Variants in PIK3R2 observed in about 807,000 individuals in gnomAD.
PIK3R2 encodes the protein phosphatidylinositol 3-kinase regulatory subunit beta.
In PIK3R2, 40 loss-of-function variants were observed where a neutral mutation model predicts 78.5. The ratio of observed to expected loss-of-function variants is 0.51; its 90% CI spans 0.40 to 0.66. The LOEUF (loss-of-function observed/expected upper bound fraction) is 0.66, where lower values mean the gene tolerates loss of function less well. Among genes scored for constraint, PIK3R2 ranks in the 30% least tolerant of loss-of-function variants. PIK3R2 has a pLI of 0.00. For synonymous variants in PIK3R2, 473 were observed against 457.7 expected (o/e 1.03, Z -0.43); for missense variants, 880 against 1,026.6 (o/e 0.86, Z 1.95).
chr19:18,166,951 A>G (rs1229363799), intron 12 of PIK3R2, among the ~76,000 whole-genome samples, 179 bp from the exon 13 acceptor site: 3 of 151,828 alleles, frequency 2.0e-5, no homozygotes, highest in East Asian at 1.9e-4. Context: ...CCTGGGCAAC[A>G]TGGCAAAATC....
rs2147960173 is a variant in PIK3R2, at chr19:18,168,970, C to G, written c.1979+74C>G. The G allele has an allele frequency of 6.4e-7, 1 of 1,563,190 alleles. No individual in the cohort carries two copies. ...CATTGAATGCCTGCCGCGTGCCAGG[C>G]CTTGGGAAGGAGTCCCTGGTGGGGT... On this transcript the variant is annotated intron_variant, in intron 15 of 15. Transcript: ENST00000222254. This position sits in a 1 kb window ranked among gnomAD's most constrained non-coding sequence, Gnocchi z 4.1.
rs1415104027 is a variant in PIK3R2 at position 18,165,674 on chromosome 19, C to T, written c.1417-486C>T. 2.6e-5 allele frequency among the ~76,000 whole-genome samples: 4 copies of T among 152,168 alleles called. No homozygotes were observed. In the South Asian group the frequency reaches 8.3e-4, roughly 31 times the overall value. ...TCGCCACCACCCCTGGCCTCTGTCC[C>T]CTTTTTACTGATGTGTTAGCTGAGG... is the stretch of plus-strand genomic sequence containing the variant. On this transcript the variant is annotated intron_variant, in intron 11 of 15. Coordinates refer to ENST00000222254, the MANE Select transcript of PIK3R2 (RefSeq NM_005027.4).
rs1420138732 is a variant in PIK3R2 at position 18,156,051 on chromosome 19, C to T, written c.172C>T (p.Pro58Ser). The part of the protein sequence containing the change: ...ERCPQSVGWM[P>S]GLNERTRQRG... ...CTGCCCACAGAGCGTGGGCTGGATG[C>T]CCGGCCTCAACGAGCGCACACGGCA... Residue 58 changes from proline (P) to serine (S), a missense_variant, in exon 2 of 16, where the codon CCC (proline) becomes TCC (serine). By Grantham distance (74) the Pro-to-Ser change is moderately conservative. This residue lies in a region of PIK3R2 where 456 missense variants were observed against 486.6 expected (regional missense o/e 0.94). Coordinates refer to ENST00000222254, the MANE Select transcript of PIK3R2 (RefSeq NM_005027.4). The surrounding 1 kb of genome is among the most constrained non-coding windows in gnomAD (Gnocchi z 4.2). 1 of 1,562,164 alleles carries T rather than the reference C, an allele frequency of 6.4e-7. No homozygotes were observed. The highest frequency in any genetic ancestry group is 8.7e-7 in the Non-Finnish European group (1 of 1,153,852).
rs370853734 is a variant in PIK3R2 at position 18,156,119 on chromosome 19, C to T, written c.240C>T (p.Pro80=). ...FPGTYVEFLG[P]VALARPGPRP... is the part of the protein sequence containing the mutation. ...GCACCTATGTGGAGTTCCTGGGGCC[C>T]GTGGCCCTGGCCCGGCCCGGCCCTC... Residue 80 remains proline, a synonymous_variant, in exon 2 of 16, where the codon CCC becomes CCT. Coordinates refer to ENST00000222254, the MANE Select transcript of PIK3R2 (RefSeq NM_005027.4). The surrounding 1 kb of genome is among the most constrained non-coding windows in gnomAD (Gnocchi z 4.2). 2.4e-4 allele frequency: 371 copies of T among 1,539,814 alleles called. No homozygotes were observed. Among genetic ancestry groups the T allele is most frequent in the Non-Finnish European group, 3.1e-4 (356 of 1,143,818 alleles).
chr19:18,154,553 G>A (rs1195704884), intron 1 of PIK3R2, among the ~76,000 whole-genome samples: 1 of 152,098 alleles, frequency 6.6e-6, no homozygotes, highest in Non-Finnish European at 1.5e-5. Context: ...CTACCTCTTA[G>A]TTCAGCTGGC....
At position 18,161,914 on chromosome 19, in the gene PIK3R2, C is replaced by A; in HGVS notation, c.816-52C>A. ...GCGCACGCACAATCCTGTGCACATG[C>A]GTGGGCGGACAGGCCCTACCCAGCC... On this transcript the variant is annotated intron_variant, in intron 6 of 15. Coordinates refer to ENST00000222254, the MANE Select transcript of PIK3R2 (RefSeq NM_005027.4). The surrounding 1 kb of genome is among the most constrained non-coding windows in gnomAD (Gnocchi z 5.3). 1.4e-6 allele frequency: 2 copies of A among 1,451,992 alleles called. No individual in the cohort carries two copies. The highest frequency in any genetic ancestry group is 1.9e-6 in the Non-Finnish European group (2 of 1,033,174). 89.9% of individuals were successfully genotyped at this position (1,451,992 alleles called of 1,614,324 possible). A position where few individuals can be genotyped will look rare whatever the true frequency, so the allele number is the denominator to read the frequency against.
intron 11 of PIK3R2, among the ~76,000 whole-genome samples, chr19:18,164,516 C>T (rs971134254): frequency 6.6e-6 from 1 of 152,088 alleles, no homozygotes; most frequent in Non-Finnish European, 1.5e-5. Flanking sequence ...GGTTTTGTCA[C>T]TCAAGGACTG....
In PIK3R2 at chr19:18,161,959, C is replaced by G; in HGVS notation, c.816-7C>G. 1.9e-6 allele frequency: 3 copies of G among 1,613,270 alleles called. No homozygotes were observed. Among genetic ancestry groups the G allele is most frequent in the South Asian group, 1.1e-5 (1 of 91,064 alleles). On this transcript the variant is annotated splice_region_variant and splice_polypyrimidine_tract_variant and intron_variant, in intron 6 of 15. Coordinates refer to ENST00000222254, the MANE Select transcript of PIK3R2 (RefSeq NM_005027.4). This position sits in a 1 kb window ranked among gnomAD's most constrained non-coding sequence, Gnocchi z 5.3. Reference sequence around the variant, plus strand: ...CCAGCCCTCACCACACTCCCCTTCCCCCTAAGGAGTGAGCCCAGCCCTGAC... The same window carrying G: ...CCAGCCCTCACCACACTCCCCTTCCGCCTAAGGAGTGAGCCCAGCCCTGAC...
intron 1 of PIK3R2, among the ~76,000 whole-genome samples, chr19:18,153,769 C>T (rs1258620727): frequency 6.6e-6 from 1 of 152,184 alleles, no homozygotes; most frequent in Non-Finnish European, 1.5e-5. Context: ...CTGCCCCGCC[C>T]CTCCCGCCTC....
In PIK3R2 at chr19:18,168,748, G is replaced by A. The variant is rs1181302525; in HGVS notation, c.1831G>A (p.Glu611Lys). The A allele has an allele frequency of 6.2e-7, 1 of 1,610,900 alleles. No individual in the cohort carries two copies. The change falls in exon 15 of 16, where the codon GAG becomes AAG. Residue 611 changes from glutamate (E) to lysine (K), a missense_variant. Glu to Lys is a moderately conservative substitution (Grantham distance 56). Transcript: ENST00000222254. This position sits in a 1 kb window ranked among gnomAD's most constrained non-coding sequence, Gnocchi z 4.1. ...TEDQYALMED[E>K]DDLPHHEERT... ...CAGCCAGTACGCACTCATGGAGGAC[G>A]AGGACGATCTCCCGCACCACGAGGA...
intron 2 of PIK3R2, 150 bp from the exon 3 acceptor site, chr19:18,160,321 C>A (rs2043727159): frequency 3.2e-6 from 2 of 632,062 alleles, no homozygotes; most frequent in East Asian, 2.7e-5. Context: ...GGTCTTGCAG[C>A]CTCCTGCGGA....
Position 18,157,437 on chromosome 19 carries a change from G to C in PIK3R2, c.322+1236G>C, listed in dbSNP as rs555925516. On this transcript the variant is annotated intron_variant, in intron 2 of 15. Transcript: ENST00000222254. ...GGTTATGTGACCTCGGCCAGAACCC[G>C]CCCCCTCGAGGCCTCAGTTTCCTCA... 9.7e-4 allele frequency among the ~76,000 whole-genome samples: 147 copies of C among 152,252 alleles called. 2 individuals are homozygous for C. Among genetic ancestry groups the C allele is most frequent in the Admixed American group, 2.9e-3 (45 of 15,290 alleles).
intron 2 of PIK3R2, among the ~76,000 whole-genome samples, chr19:18,158,030 C>CAA (rs1346678209): frequency 6.6e-6 from 1 of 152,184 alleles, no homozygotes; most frequent in African/African-American, 2.4e-5. Context: ...AAAAGGGGAG[C>CAA]AATAATTTTC....
intron 3 of PIK3R2, 146 bp from the exon 4 acceptor site, chr19:18,160,773 C>A: frequency 1.9e-6 from 2 of 1,036,908 alleles, no homozygotes; most frequent in Non-Finnish European, 1.5e-6. Context: ...GTGCTGTGCC[C>A]TCTCCCAGTT....
At chr19:18,153,565 C>A (rs1003334922) in intron 1 of PIK3R2, among the ~76,000 whole-genome samples, 2 of 152,140 alleles carry the variant, frequency 1.3e-5, no homozygotes, top group Admixed American at 6.5e-5. Flanking sequence ...TGAAGGGAGG[C>A]CCTGCCTGGA....
chr19:18,161,963 A>T lies in PIK3R2; in HGVS notation c.816-3A>T. 1.2e-6 allele frequency: 2 copies of T among 1,613,152 alleles called. No homozygotes were observed. The highest frequency in any genetic ancestry group is 1.7e-6 in the Non-Finnish European group (2 of 1,179,324). On this transcript the variant is annotated splice_region_variant and splice_polypyrimidine_tract_variant and intron_variant, in intron 6 of 15. Coordinates refer to ENST00000222254, the MANE Select transcript of PIK3R2 (RefSeq NM_005027.4). This position sits in a 1 kb window ranked among gnomAD's most constrained non-coding sequence, Gnocchi z 5.3. ...CCCTCACCACACTCCCCTTCCCCCT[A>T]AGGAGTGAGCCCAGCCCTGACTTCC...
rs2147949792 is a variant in PIK3R2, at chr19:18,160,949, A to G, written c.446A>G (p.Glu149Gly). 6.2e-7 allele frequency: 1 copy of G among 1,612,086 alleles called. No individual in the cohort carries two copies. Among genetic ancestry groups the G allele is most frequent in the Non-Finnish European group, 8.5e-7 (1 of 1,179,560 alleles). The change falls in exon 4 of 16, where the codon GAG (glutamate) becomes GGG (glycine). Residue 149 changes from glutamate to glycine, a missense_variant. This residue lies in a region of PIK3R2 where 456 missense variants were observed against 486.6 expected (regional missense o/e 0.94). Transcript: ENST00000222254. Reference protein sequence around the residue: ...GLDSESHYRPELPAPRTDWSL... With the variant: ...GLDSESHYRPGLPAPRTDWSL... ...GACAGCGAATCTCACTACCGCCCGG[A>G]GCTGCCCGCACCGCGTACAGGTGAA...
Position 18,161,742 on chromosome 19 carries a change from G to A in PIK3R2, c.816-224G>A, listed in dbSNP as rs200944644. The stretch of plus-strand genomic sequence containing the variant: ...CTTCCCTTCTGCTCGTCGCAGCTCC[G>A]GTACTGGTCTCTCGCTCGCCTTTGT... On this transcript the variant is annotated intron_variant, in intron 6 of 15. Transcript: ENST00000222254. This position sits in a 1 kb window ranked among gnomAD's most constrained non-coding sequence, Gnocchi z 5.3. Among the ~76,000 whole-genome samples the A allele has an allele frequency of 5.9e-5, 9 of 152,312 alleles. No individual in the cohort carries two copies. The East Asian group carries it at 1.7e-3, about 29-fold the overall frequency.
rs1346707364 is a variant in PIK3R2, at chr19:18,161,725, C to A, written c.815+230C>A. Among the ~76,000 whole-genome samples, 1 of 152,220 alleles carries A rather than the reference C, an allele frequency of 6.6e-6. No individual in the cohort carries two copies. Among genetic ancestry groups the A allele is most frequent in the Non-Finnish European group, 1.5e-5 (1 of 68,028 alleles). ...GTGGGTGGTGCCTGCACCTTCCCTTCTGCTCGTCGCAGCTCCGGTACTGGT... is the reference window on the plus strand; with the variant it reads ...GTGGGTGGTGCCTGCACCTTCCCTTATGCTCGTCGCAGCTCCGGTACTGGT... On this transcript the variant is annotated intron_variant, in intron 6 of 15. Transcript: ENST00000222254. This position sits in a 1 kb window ranked among gnomAD's most constrained non-coding sequence, Gnocchi z 5.3.
Sources: allele counts gnomAD v4.1 joint callset (sites outside exome capture counted in the v4.1 genomes callset), GRCh38; gene constraint gnomAD v4.1.1; regional missense constraint gnomAD v4.1.1; non-coding constraint Gnocchi (gnomAD v3.1); transcripts MANE v1.5; gene names NCBI Gene and HGNC (gene_info 2026-07-23, HGNC 2026-07-21).